ABCA4: variants seen among roughly 807,000 people sequenced by gnomAD.
The protein encoded by ABCA4 is retinal-specific phospholipid-transporting ATPase ABCA4.
A neutral mutation model predicts 263.7 loss-of-function variants in ABCA4; 196 were observed. The ratio of observed to expected loss-of-function variants is 0.74; its 90% CI spans 0.66 to 0.84. ABCA4 has a LOEUF of 0.84. Among genes scored for constraint, ABCA4 ranks in the 40% least tolerant of loss-of-function variants. The probability of loss-of-function intolerance (pLI) is 0.00; values close to 1 mark genes in which losing one functional copy is unlikely to be tolerated. For missense variants in ABCA4, 2,792 were observed against 2,855.1 expected, an observed-to-expected ratio of 0.98 and a Z score of 0.50; for synonymous variants, 1,133 against 1,094.2, an observed-to-expected ratio of 1.04 and a Z score of -0.70.
intron 38 of ABCA4, among the ~76,000 whole-genome samples, chr1:94,011,743 G>A (rs1659552710): frequency 6.6e-6 from 1 of 152,200 alleles, no homozygotes; most frequent in African/African-American, 2.4e-5. Context: ...GGGCACCGAG[G>A]CTAACTGTGA....
chr1:94,117,075 C>CCTCT (rs144835850), intron 1 of ABCA4, among the ~76,000 whole-genome samples: 8 of 140,890 alleles, frequency 5.7e-5, no homozygotes, highest in African/African-American at 2.1e-4. Flanking sequence ...TCTCTCTCTT[C>CCTCT]CTCTCTCTCT....
In ABCA4 at chr1:94,110,734, A is replaced by C. The variant is rs182180386; in HGVS notation, c.302+704T>G. On this transcript the variant is annotated intron_variant, in intron 3 of 49. Transcript: ENST00000370225. ...TTTTGACCCTAGACCTGAGGCTACT[A>C]ACCTGGCATCTACAATTCCCTGAAA... 2.0e-5 allele frequency among the ~76,000 whole-genome samples: 3 copies of C among 152,322 alleles called. No individual in the cohort carries two copies. The East Asian group carries it at 5.8e-4, about 29-fold the overall frequency.
rs139615435 is a variant in ABCA4 at position 94,003,998 on chromosome 1, T to G, written c.6147+1443A>C. Among the ~76,000 whole-genome samples the G allele has an allele frequency of 1.6e-4, 25 of 152,288 alleles. No homozygotes were observed. The East Asian group carries it at 4.6e-3, about 28-fold the overall frequency. On this transcript the variant is annotated intron_variant, in intron 44 of 49. Coordinates refer to ENST00000370225, the MANE Select transcript of ABCA4 (RefSeq NM_000350.3). Reference sequence around the variant, plus strand: ...TGGCATAAGATATTCCAGGTTCATTTTATACCTATGCCATTCCAGCCCTGG... The same window carrying G: ...TGGCATAAGATATTCCAGGTTCATTGTATACCTATGCCATTCCAGCCCTGG...
chr1:94,058,745 A>G (rs756622469), intron 14 of ABCA4, among the ~76,000 whole-genome samples: 15 of 152,256 alleles, frequency 9.9e-5, no homozygotes, highest in Non-Finnish European at 1.8e-4. Context: ...AGGACTTTTC[A>G]CTGACTTAAG....
intron 22 of ABCA4, among the ~76,000 whole-genome samples, chr1:94,042,439 G>A (rs1294850006): frequency 2.6e-5 from 4 of 152,238 alleles, no homozygotes; most frequent in African/African-American, 9.6e-5. Flanking sequence ...TATGTTTGCA[G>A]GTGACCTGGG....
chr1:94,007,856 C>G (rs1285592384), intron 42 of ABCA4, 116 bp from the exon 43 acceptor site: 1 of 924,168 alleles, frequency 1.1e-6, no homozygotes, highest in Admixed American at 2.0e-5. Flanking sequence ...GGGCTGCCAT[C>G]AGAGGCCACG....
In ABCA4 at chr1:94,056,703, C is replaced by T; in HGVS notation, c.2280G>A (p.Leu760=). 6.2e-7 allele frequency: 1 copy of T among 1,614,132 alleles called. No individual in the cohort carries two copies. The highest frequency in any genetic ancestry group is 8.5e-7 in the Non-Finnish European group (1 of 1,180,016). Residue 760 remains leucine (L), a synonymous_variant, in exon 15 of 50, where the codon CTG becomes CTA. Transcript: ENST00000370225. ...LLSTFFSKAS[L]AAACSGVIYF... is the part of the protein sequence containing the mutation. ...AGATGACACCACTACAGGCTGCTGCCAGACTGGCCTTGGAGAAGAAGGTGC... is the reference window on the plus strand; with the variant it reads ...AGATGACACCACTACAGGCTGCTGCTAGACTGGCCTTGGAGAAGAAGGTGC...
intron 44 of ABCA4, among the ~76,000 whole-genome samples, chr1:94,003,279 T>C (rs1351758128): frequency 6.6e-6 from 1 of 152,198 alleles, no homozygotes; most frequent in Admixed American, 6.5e-5. Context: ...CTGTTTAGCC[T>C]CCTGCGATCA....
intron 37 of ABCA4, among the ~76,000 whole-genome samples, chr1:94,015,090 A>C (rs1489490260): frequency 6.6e-6 from 1 of 152,196 alleles, no homozygotes; most frequent in Non-Finnish European, 1.5e-5. Context: ...GTTGGTTCCC[A>C]AATTCTCTAT....
Position 94,041,455 on chromosome 1 carries a change from T to C in ABCA4, c.3329-53A>G, listed in dbSNP as rs963992385. On this transcript the variant is annotated intron_variant, in intron 22 of 49. Transcript: ENST00000370225. ...CAGGCCTGCCCTGGGTTGGGCATTG[T>C]TGGTAAAGGGTGTACAGCAATTTCC... 5.0e-6 allele frequency: 8 copies of C among 1,598,112 alleles called. No individual in the cohort carries two copies. The South Asian group carries it at 8.8e-5, about 18-fold the overall frequency.
Position 94,043,285 on chromosome 1 carries a change from G to A in ABCA4, c.3190+51C>T, listed in dbSNP as rs372967603. ...CTCCCCTGCCTCCTGGGTGCACTGG[G>A]GAGCCATGGATTTGCCATCTGTGGC... On this transcript the variant is annotated intron_variant, in intron 21 of 49. Coordinates refer to ENST00000370225, the MANE Select transcript of ABCA4 (RefSeq NM_000350.3). 128 of 1,613,020 alleles carry A rather than the reference G, an allele frequency of 7.9e-5. 1 individual carries two copies. The African/African-American group carries it at 1.7e-3, about 21-fold the overall frequency.
chr1:94,028,539 G>A (rs937567838), intron 30 of ABCA4, among the ~76,000 whole-genome samples: 1 of 152,204 alleles, frequency 6.6e-6, no homozygotes, highest in East Asian at 1.9e-4. Context: ...CCATTTGAAT[G>A]TACATCATAG....
chr1:94,036,687 GA>G, intron 26 of ABCA4, 52 bp downstream of exon 26: 2 of 1,585,652 alleles, frequency 1.3e-6, no homozygotes, highest in South Asian at 2.2e-5. Context: ...TTTCGAGATG[GA>G]ACTTGGGAGG....
intron 16 of ABCA4, among the ~76,000 whole-genome samples, chr1:94,054,614 ACAGT>A (rs1396144983): frequency 6.6e-6 from 1 of 152,190 alleles, no homozygotes; most frequent in Non-Finnish European, 1.5e-5. Context: ...GGTGTATTAA[ACAGT>A]CAGTAAGGAG....
chr1:94,055,490 C>T lies in ABCA4; in HGVS notation c.2383-175G>A, dbSNP rs752495886. 4.6e-5 allele frequency among the ~76,000 whole-genome samples: 7 copies of T among 152,210 alleles called. No homozygotes were observed. The East Asian group carries it at 7.7e-4, about 17-fold the overall frequency. Reference sequence around the variant, plus strand: ...TTTCCCTTGACGGCCAGGGGGAGTTCAGAGTGTCTCTCTGCAAACAAGAGA... The same window carrying T: ...TTTCCCTTGACGGCCAGGGGGAGTTTAGAGTGTCTCTCTGCAAACAAGAGA... On this transcript the variant is annotated intron_variant, in intron 15 of 49. Transcript: ENST00000370225.
chr1:94,120,053 T>C (rs943816457), intron 1 of ABCA4, among the ~76,000 whole-genome samples: 2 of 152,206 alleles, frequency 1.3e-5, no homozygotes, highest in African/African-American at 4.8e-5. Context: ...TGCAAGGCTG[T>C]AGCAAAGTGC....
intron 49 of ABCA4, among the ~76,000 whole-genome samples, chr1:93,995,789 C>T (rs1237299888): frequency 6.6e-6 from 1 of 152,218 alleles, no homozygotes; most frequent in African/African-American, 2.4e-5. Flanking sequence ...TCCCCAAATC[C>T]AAGCTTTTTT....
chr1:94,009,301 G>T (rs940625008), intron 40 of ABCA4, among the ~76,000 whole-genome samples: 1 of 152,194 alleles, frequency 6.6e-6, no homozygotes, highest in African/African-American at 2.4e-5. Flanking sequence ...GTAAGGGGTA[G>T]TTACTAACCT....
At chr1:94,105,959 T>C (rs1010896025) in intron 4 of ABCA4, among the ~76,000 whole-genome samples, 3 of 152,032 alleles carry the variant, frequency 2.0e-5, no homozygotes, top group South Asian at 4.2e-4. Context: ...GCCTGAGGAG[T>C]CCGTGCTCAC....
Sources: allele counts gnomAD v4.1 joint callset (sites outside exome capture counted in the v4.1 genomes callset), GRCh38; gene constraint gnomAD v4.1.1; transcripts MANE v1.5; gene names NCBI Gene and HGNC (gene_info 2026-07-23, HGNC 2026-07-21).